GSK3B: variants seen among roughly 807,000 people sequenced by gnomAD.
The protein encoded by GSK3B is glycogen synthase kinase-3 beta.
A neutral mutation model predicts 56.4 loss-of-function variants in GSK3B; 15 were observed. The ratio of observed to expected loss-of-function variants is 0.27; its 90% CI spans 0.18 to 0.41. GSK3B has a LOEUF of 0.41. Ranked by LOEUF, GSK3B falls within the 10% of genes least tolerant of loss-of-function variation. The pLI, the probability that GSK3B is intolerant of heterozygous loss-of-function variation, is 1.00. For missense variants in GSK3B, 300 were observed against 513.4 expected, an observed-to-expected ratio of 0.58 and a Z score of 4.02; for synonymous variants, 181 against 188.9, an observed-to-expected ratio of 0.96 and a Z score of 0.34.
intron 2 of GSK3B, among the ~76,000 whole-genome samples, chr3:119,950,477 A>C (rs2057146941): frequency 6.6e-6 from 1 of 152,222 alleles, no homozygotes; most frequent in Non-Finnish European, 1.5e-5. Flanking sequence ...TAATGGCTAG[A>C]TAAACACAGG....
At chr3:120,039,324 C>A (rs2058047680) in intron 1 of GSK3B, among the ~76,000 whole-genome samples, 1 of 152,158 alleles carries the variant, frequency 6.6e-6, no homozygotes, top group Non-Finnish European at 1.5e-5. Context: ...CCACACAATC[C>A]CAGCAATCAC....
At chr3:119,880,994 C>A (rs1297871079) in intron 7 of GSK3B, among the ~76,000 whole-genome samples, 1 of 152,152 alleles carries the variant, frequency 6.6e-6, no homozygotes, top group African/African-American at 2.4e-5. Context: ...AAGCTATATA[C>A]CCTAACAGAG....
At chr3:119,968,529 C>T (rs1339149272) in intron 2 of GSK3B, among the ~76,000 whole-genome samples, 1 of 152,114 alleles carries the variant, frequency 6.6e-6, no homozygotes, top group African/African-American at 2.4e-5. Context: ...ATCACATCAA[C>T]AAGCTAAGGA....
chr3:119,863,674 A>AT, intron 8 of GSK3B, 69 bp from the exon 9 acceptor site: 1 of 937,028 alleles, frequency 1.1e-6, no homozygotes, highest in Non-Finnish European at 1.7e-6. Flanking sequence ...TACCCTGTGA[A>AT]TAATGACTTA....
At chr3:120,087,895 GT>G (rs948227848) in intron 1 of GSK3B, among the ~76,000 whole-genome samples, 2 of 151,712 alleles carry the variant, frequency 1.3e-5, no homozygotes, top group Middle Eastern at 3.2e-3. Flanking sequence ...ATTGTCTTTT[GT>G]TTTGTTTTTT....
At chr3:120,077,855 T>C (rs1331262535) in intron 1 of GSK3B, among the ~76,000 whole-genome samples, 1 of 152,106 alleles carries the variant, frequency 6.6e-6, no homozygotes, top group Non-Finnish European at 1.5e-5. Flanking sequence ...TTACTTCAAG[T>C]CTGGAGGGCC....
At chr3:119,971,714 C>T (rs1242239077) in intron 2 of GSK3B, among the ~76,000 whole-genome samples, 1 of 142,506 alleles carries the variant, frequency 7.0e-6, no homozygotes, top group Non-Finnish European at 1.5e-5. Context: ...CGGGTTCACG[C>T]CATTCTCCTG....
chr3:119,979,527 C>T (rs1243524698), intron 2 of GSK3B, among the ~76,000 whole-genome samples: 1 of 152,146 alleles, frequency 6.6e-6, no homozygotes, highest in Non-Finnish European at 1.5e-5. Context: ...TGCCATTCTC[C>T]CTCTCTGGGA....
chr3:119,855,233 C>A (rs1559809455), intron 9 of GSK3B, among the ~76,000 whole-genome samples: 1 of 152,148 alleles, frequency 6.6e-6, no homozygotes, highest in Non-Finnish European at 1.5e-5. Context: ...AAAAAATGCT[C>A]ATCATCACTG....
intron 4 of GSK3B, among the ~76,000 whole-genome samples, chr3:119,922,839 T>A (rs1181811921): frequency 6.6e-6 from 1 of 152,152 alleles, no homozygotes; most frequent in African/African-American, 2.4e-5. Flanking sequence ...GCTAGATAAA[T>A]ACCTAGCCAT....
At chr3:120,035,643 C>T (rs969110751) in intron 1 of GSK3B, among the ~76,000 whole-genome samples, 1 of 152,074 alleles carries the variant, frequency 6.6e-6, no homozygotes, top group African/African-American at 2.4e-5. Context: ...TTTAGGTATT[C>T]ATTAATTTCT....
intron 1 of GSK3B, among the ~76,000 whole-genome samples, chr3:120,082,097 A>G (rs561587041): frequency 9.2e-5 from 14 of 152,330 alleles, no homozygotes; most frequent in Non-Finnish European, 1.9e-4. Context: ...TTTTACTAAA[A>G]TAAGGGTGGA....
chr3:119,972,904 T>C (rs1402278174), intron 2 of GSK3B, among the ~76,000 whole-genome samples: 1 of 152,190 alleles, frequency 6.6e-6, no homozygotes, highest in African/African-American at 2.4e-5. Flanking sequence ...AGAGCCACGT[T>C]TGTTACAATT....
At chr3:119,931,973 C>T (rs1042782676) in intron 3 of GSK3B, among the ~76,000 whole-genome samples, 6 of 152,150 alleles carry the variant, frequency 3.9e-5, no homozygotes, top group Non-Finnish European at 8.8e-5. Flanking sequence ...AAACCACACA[C>T]TGAGTAAGAA....
chr3:119,910,642 C>G (rs1232987126), intron 6 of GSK3B, among the ~76,000 whole-genome samples: 1 of 152,120 alleles, frequency 6.6e-6, no homozygotes, highest in Admixed American at 6.6e-5. Context: ...TGAAGTTTGC[C>G]ACATCAACTG....
At chr3:120,040,480 C>T (rs1706158476) in intron 1 of GSK3B, among the ~76,000 whole-genome samples, 1 of 152,102 alleles carries the variant, frequency 6.6e-6, no homozygotes, top group Admixed American at 6.5e-5. Context: ...GGTATTGAGC[C>T]TTAACAAGCT....
intron 7 of GSK3B, among the ~76,000 whole-genome samples, chr3:119,884,212 G>C (rs1347012658): frequency 6.6e-6 from 1 of 152,152 alleles, no homozygotes; most frequent in African/African-American, 2.4e-5. Context: ...TTAAACGACA[G>C]AGAAGTATCT....
At chr3:120,092,986 T>C (rs1429207018) in intron 1 of GSK3B, among the ~76,000 whole-genome samples, 1 of 152,036 alleles carries the variant, frequency 6.6e-6, no homozygotes, top group African/African-American at 2.4e-5. Flanking sequence ...AGTAATCAAA[T>C]CTTGTCCTTC....
At chr3:119,974,749 G>A (rs1328672680) in intron 2 of GSK3B, among the ~76,000 whole-genome samples, 1 of 152,066 alleles carries the variant, frequency 6.6e-6, no homozygotes, top group Non-Finnish European at 1.5e-5. Context: ...ATGTCATCAG[G>A]GAATTGCAAA....
Sources: gnomAD v4.1 joint callset for allele counts (sites outside exome capture counted in the v4.1 genomes callset) on GRCh38, gnomAD v4.1.1 for gene constraint, MANE v1.5 for transcripts, NCBI Gene and HGNC (gene_info 2026-07-23, HGNC 2026-07-21) for gene names.